CTNNA3: variants seen among roughly 807,000 people sequenced by gnomAD.
CTNNA3 encodes the protein catenin alpha 3.
A neutral mutation model predicts 95.7 loss-of-function variants in CTNNA3; 76 were observed. The observed-to-expected ratio is 0.79, with a 90% CI of 0.66 to 0.96. CTNNA3 has a LOEUF of 0.96. CTNNA3 is among the 40% of genes least tolerant of loss of function. The probability of loss-of-function intolerance (pLI) is 0.00; values close to 1 mark genes in which losing one functional copy is unlikely to be tolerated. For synonymous variants in CTNNA3, 431 were observed against 374.4 expected, an observed-to-expected ratio of 1.15 and a Z score of -1.74; for missense variants, 1,191 against 1,089.8, an observed-to-expected ratio of 1.09 and a Z score of -1.31.
At chr10:67,299,559 T>C (rs1402158569) in intron 5 of CTNNA3, among the ~76,000 whole-genome samples, 2 of 152,210 alleles carry the variant, frequency 1.3e-5, no homozygotes, top group African/African-American at 4.8e-5. Context: ...TGTAGGATTC[T>C]TTATATTGTG....
intron 13 of CTNNA3, among the ~76,000 whole-genome samples, chr10:66,253,887 T>C (rs1004823274): frequency 2.6e-5 from 4 of 152,196 alleles, no homozygotes; most frequent in African/African-American, 9.7e-5. Context: ...TGCGGGCAAC[T>C]ATCTCTGATG....
chr10:66,720,432 A>G, intron 9 of CTNNA3, among the ~76,000 whole-genome samples: 1 of 152,214 alleles, frequency 6.6e-6, no homozygotes, highest in Non-Finnish European at 1.5e-5. Flanking sequence ...ATTGCCGTGC[A>G]GGTTTGGCTG....
chr10:66,788,158 CAGAATCTTAAGTGTT>C (rs1840820910), intron 7 of CTNNA3, among the ~76,000 whole-genome samples: 2 of 152,110 alleles, frequency 1.3e-5, no homozygotes, highest in Non-Finnish European at 2.9e-5. Flanking sequence ...CAGAGGGGTT[CAGAATCTTAAGTGTT>C]AGACTTTTAT....
At chr10:66,411,043 T>C (rs1015860369) in intron 11 of CTNNA3, among the ~76,000 whole-genome samples, 1 of 152,226 alleles carries the variant, frequency 6.6e-6, no homozygotes, top group Admixed American at 6.5e-5. Flanking sequence ...ATTCAACACA[T>C]ATTTAGCTTC....
rs182064241 is a variant in CTNNA3, at chr10:66,643,376, C to T, written c.1282-21592G>A. On this transcript the variant is annotated intron_variant, in intron 9 of 17. Transcript: ENST00000433211. ...TGACTGGAAGCATGTTATTAATCTA[C>T]TTAAAATCTTCATTCCTTAATAAAA... Among the ~76,000 whole-genome samples, 1,458 of 152,232 alleles carry T rather than the reference C, an allele frequency of 9.6e-3. 9 individuals carry two copies. Among genetic ancestry groups the T allele is most frequent in the Non-Finnish European group, 0.016 (1,063 of 68,000 alleles).
chr10:65,953,885 C>T (rs1229672234), intron 17 of CTNNA3, among the ~76,000 whole-genome samples: 1 of 152,146 alleles, frequency 6.6e-6, no homozygotes, highest in Non-Finnish European at 1.5e-5. Flanking sequence ...ATTTATACTC[C>T]TTTGGGTATA....
intron 7 of CTNNA3, among the ~76,000 whole-genome samples, chr10:66,879,318 T>C (rs1479881146): frequency 4.6e-5 from 7 of 152,130 alleles, no homozygotes; most frequent in South Asian, 2.1e-4. Flanking sequence ...CAAGCAAAGA[T>C]AGTATCACTA....
intron 5 of CTNNA3, among the ~76,000 whole-genome samples, chr10:67,421,387 T>G (rs917636349): frequency 5.3e-5 from 8 of 152,220 alleles, no homozygotes; most frequent in African/African-American, 1.9e-4. Flanking sequence ...AGGGTGTTTT[T>G]GTTGTTATTT....
chr10:67,308,753 A>G (rs1026081025), intron 5 of CTNNA3, among the ~76,000 whole-genome samples: 1 of 152,212 alleles, frequency 6.6e-6, no homozygotes, highest in Admixed American at 6.5e-5. Flanking sequence ...GACCCAGTTA[A>G]TCAATCCCTC....
At chr10:67,587,873 A>T (rs1184820645) in intron 3 of CTNNA3, among the ~76,000 whole-genome samples, 1 of 152,056 alleles carries the variant, frequency 6.6e-6, no homozygotes, top group Non-Finnish European at 1.5e-5. Flanking sequence ...GTTGTGCCAA[A>T]CTTCTCAAAG....
At chr10:67,703,866 T>C (rs2133605557) in intron 1 of CTNNA3, among the ~76,000 whole-genome samples, 1 of 152,292 alleles carries the variant, frequency 6.6e-6, no homozygotes, top group African/African-American at 2.4e-5. Context: ...TGATTGTATA[T>C]CTAGAAAACC....
chr10:66,645,231 T>G (rs1845664855), intron 9 of CTNNA3, among the ~76,000 whole-genome samples: 2 of 152,178 alleles, frequency 1.3e-5, no homozygotes, highest in Admixed American at 1.3e-4. Flanking sequence ...TTCATCAATT[T>G]TTTAAATTCA....
At chr10:67,617,725 G>A (rs182364129) in intron 2 of CTNNA3, among the ~76,000 whole-genome samples, 89 of 150,128 alleles carry the variant, frequency 5.9e-4, no homozygotes, top group Non-Finnish European at 1.1e-3. Flanking sequence ...CACCAACAGC[G>A]TATAAGCATT....
intron 3 of CTNNA3, among the ~76,000 whole-genome samples, chr10:67,540,572 C>T (rs1455659004): frequency 1.3e-5 from 2 of 151,640 alleles, no homozygotes; most frequent in Non-Finnish European, 2.9e-5. Context: ...TGTGTATAAG[C>T]ATATATAGAT....
intron 16 of CTNNA3, among the ~76,000 whole-genome samples, chr10:65,982,506 C>T (rs7899483): frequency 0.59 from 88,504 of 150,284 alleles, 27,192 homozygotes; most frequent in Non-Finnish European, 0.69. Flanking sequence ...TACTAGATAT[C>T]TACCCAGAGG....
chr10:67,544,775 G>A (rs1002962990), intron 3 of CTNNA3, among the ~76,000 whole-genome samples: 2 of 152,170 alleles, frequency 1.3e-5, no homozygotes, highest in Non-Finnish European at 2.9e-5. Flanking sequence ...ACAAAGAAGA[G>A]TCTTGCCTCA....
intron 12 of CTNNA3, among the ~76,000 whole-genome samples, chr10:66,365,019 AT>A (rs2132442898): frequency 6.6e-6 from 1 of 152,296 alleles, no homozygotes; most frequent in Admixed American, 6.5e-5. Context: ...TAATATATAC[AT>A]TTACTGTATG....
intron 7 of CTNNA3, among the ~76,000 whole-genome samples, chr10:67,148,046 A>G (rs181533471): frequency 6.6e-6 from 1 of 152,290 alleles, no homozygotes; most frequent in Non-Finnish European, 1.5e-5. Context: ...GGCCCTTATG[A>G]TGGGAAGAGA....
At chr10:66,426,406 G>A (rs939400747) in intron 11 of CTNNA3, among the ~76,000 whole-genome samples, 3 of 152,004 alleles carry the variant, frequency 2.0e-5, no homozygotes, top group African/African-American at 7.2e-5. Flanking sequence ...TGATTACCGT[G>A]CTTTCTTTTT....
Sources: allele counts gnomAD v4.1 joint callset (sites outside exome capture counted in the v4.1 genomes callset), GRCh38; gene constraint gnomAD v4.1.1; transcripts MANE v1.5; gene names NCBI Gene and HGNC (gene_info 2026-07-23, HGNC 2026-07-21).